The following FRMPD1 variants were observed in gnomAD, a reference collection of about 807,000 sequenced individuals.
FRMPD1 encodes the protein FERM and PDZ domain-containing protein 1.
In FRMPD1, 76 loss-of-function variants were observed where a neutral mutation model predicts 117.8. The ratio of observed to expected loss-of-function variants is 0.65; its 90% CI spans 0.54 to 0.78. FRMPD1 has a LOEUF of 0.78. Among genes scored for constraint, FRMPD1 ranks in the 30% least tolerant of loss-of-function variants. The pLI, the probability that FRMPD1 is intolerant of heterozygous loss-of-function variation, is 0.00. For synonymous variants in FRMPD1, 783 were observed against 770.4 expected, an observed-to-expected ratio of 1.02 and a Z score of -0.27; for missense variants, 1,786 against 1,964.5, an observed-to-expected ratio of 0.91 and a Z score of 1.72.
At chr9:37,698,710 C>T (rs1053466942) in intron 2 of FRMPD1, among the ~76,000 whole-genome samples, 3 of 150,638 alleles carry the variant, frequency 2.0e-5, no homozygotes, top group South Asian at 2.1e-4. Context: ...TACAGATATG[C>T]GCCACCACAC....
In FRMPD1 at chr9:37,746,503, C is replaced by G; in HGVS notation, c.4471C>G (p.Arg1491Gly). 2 of 1,613,612 alleles carry G rather than the reference C, an allele frequency of 1.2e-6. No individual in the cohort carries two copies. Among genetic ancestry groups the G allele is most frequent in the South Asian group, 1.1e-5 (1 of 91,088 alleles). ...QSPEEMQGAV[R>G]DTFQHLVQLA... ...CCCCGAAGAGATGCAGGGGGCCGTG[C>G]GTGACACCTTCCAGCACCTGGTCCA... is the stretch of plus-strand genomic sequence containing the variant. The change falls in exon 16 of 16, where the codon CGT (arginine) becomes GGT (glycine). Residue 1491 changes from arginine to glycine, a missense_variant. Physicochemically the swap from Arg to Gly is moderately radical, Grantham distance 125. Coordinates refer to ENST00000377765, the MANE Select transcript of FRMPD1 (RefSeq NM_014907.3).
intron 5 of FRMPD1, chr9:37,715,772 T>G: frequency 2.2e-6 from 1 of 452,032 alleles, no homozygotes; most frequent in East Asian, 7.0e-5. Flanking sequence ...GGAGCCACAG[T>G]GGGGCCTGTG....
At chr9:37,707,389 C>CT in intron 2 of FRMPD1, 27 bp from the exon 3 acceptor site, 1 of 1,607,816 alleles carries the variant, frequency 6.2e-7, no homozygotes, top group Non-Finnish European at 8.5e-7. Flanking sequence ...TTCTCTTTCT[C>CT]TTTTTTACAT....
chr9:37,645,101 A>G, the FRMPD1 span, among the ~76,000 whole-genome samples: 37 of 72,682 alleles, frequency 5.1e-4, no homozygotes, highest in East Asian at 1.4e-3. Context: ...GAGCCAGCAG[A>G]AAAAAAAAAA....
intron 1 of FRMPD1, among the ~76,000 whole-genome samples, chr9:37,691,581 C>T (rs935674146): frequency 1.3e-5 from 2 of 152,186 alleles, no homozygotes; most frequent in African/African-American, 4.8e-5. Flanking sequence ...TTTTATACAT[C>T]TAAAAGTGTT....
intron 1 of FRMPD1, among the ~76,000 whole-genome samples, chr9:37,665,441 C>A (rs1187215508): frequency 1.3e-5 from 2 of 152,142 alleles, no homozygotes; most frequent in Non-Finnish European, 2.9e-5. Context: ...CTTGCAAATT[C>A]CAGACAGGTG....
At chr9:37,683,844 G>A (rs7035947) in intron 1 of FRMPD1, among the ~76,000 whole-genome samples, 6,862 of 61,856 alleles carry the variant, frequency 0.11, 278 homozygotes, top group East Asian at 0.33. Context: ...GTGTTGTGTG[G>A]GGGAGATGAA....
At chr9:37,626,556 G>A in the FRMPD1 span, among the ~76,000 whole-genome samples, 1 of 142,174 alleles carries the variant, frequency 7.0e-6, no homozygotes, top group East Asian at 2.0e-4. Flanking sequence ...GGAGGCCAAG[G>A]CAGGCAGATC....
At chr9:37,688,158 C>T (rs945321960) in intron 1 of FRMPD1, among the ~76,000 whole-genome samples, 3 of 151,036 alleles carry the variant, frequency 2.0e-5, no homozygotes, top group South Asian at 4.2e-4. Context: ...CCTATATATA[C>T]AAGAAATATA....
chr9:37,623,834 T>C, the FRMPD1 span, among the ~76,000 whole-genome samples: 1 of 152,122 alleles, frequency 6.6e-6, no homozygotes, highest in Non-Finnish European at 1.5e-5. Flanking sequence ...GGTAGGATTA[T>C]GACAGATAAG....
At chr9:37,654,961 T>C (rs1262140770) in intron 1 of FRMPD1, among the ~76,000 whole-genome samples, 1 of 152,066 alleles carries the variant, frequency 6.6e-6, no homozygotes, top group Admixed American at 6.5e-5. Context: ...AGTAGACCCT[T>C]CTTTAGGATC....
intron 1 of FRMPD1, among the ~76,000 whole-genome samples, chr9:37,685,450 T>C (rs753915583): frequency 8.6e-5 from 13 of 151,672 alleles, no homozygotes; most frequent in South Asian, 2.1e-4. Flanking sequence ...GAGACTATCC[T>C]GGCTAACACG....
Position 37,708,413 on chromosome 9 carries a change from G to T in FRMPD1, c.274G>T (p.Gly92Cys). The T allele has an allele frequency of 1.2e-6, 2 of 1,610,624 alleles. No homozygotes were observed. Among genetic ancestry groups the T allele is most frequent in the Admixed American group, 1.7e-5 (1 of 60,002 alleles). The part of the protein sequence containing the change: ...VAVTAGGSAH[G>C]KLFPGDQILQ... ...CTGTCCAACAGGAGGCTCTGCTCAC[G>T]GCAAGCTTTTCCCTGGTGATCAGAT... The change falls in exon 4 of 16, where the codon GGC becomes TGC. Residue 92 changes from glycine (G) to cysteine (C), a missense_variant. Coordinates refer to ENST00000377765, the MANE Select transcript of FRMPD1 (RefSeq NM_014907.3).
At chr9:37,671,738 G>A (rs1037810960) in intron 1 of FRMPD1, among the ~76,000 whole-genome samples, 16 of 152,112 alleles carry the variant, frequency 1.1e-4, no homozygotes, top group African/African-American at 3.9e-4. Flanking sequence ...GGCCGAGGCG[G>A]GTGGAACACC....
At chr9:37,638,758 G>A in the FRMPD1 span, among the ~76,000 whole-genome samples, 4 of 152,142 alleles carry the variant, frequency 2.6e-5, no homozygotes, top group African/African-American at 7.2e-5. Context: ...GTGCTCCCAG[G>A]GAAGAGCCAT....
intron 1 of FRMPD1, among the ~76,000 whole-genome samples, chr9:37,656,099 A>G (rs1419598745): frequency 6.6e-6 from 1 of 152,140 alleles, no homozygotes; most frequent in South Asian, 2.1e-4. Flanking sequence ...GGCCGGCACA[A>G]TGTCCTTCAT....
chr9:37,611,688 CT>C, the FRMPD1 span, among the ~76,000 whole-genome samples: 24,712 of 152,092 alleles, frequency 0.16, 2,390 homozygotes, highest in African/African-American at 0.27. Flanking sequence ...GTAATACACC[CT>C]TTATTTCAAA....
intron 5 of FRMPD1, among the ~76,000 whole-genome samples, chr9:37,717,397 T>TA (rs1823192222): frequency 7.6e-6 from 1 of 131,492 alleles, no homozygotes; most frequent in African/African-American, 3.1e-5. Flanking sequence ...TTTTTTTTTT[T>TA]GAGATGTAGT....
the FRMPD1 span, among the ~76,000 whole-genome samples, chr9:37,636,025 C>T: frequency 6.6e-6 from 1 of 152,290 alleles, no homozygotes; most frequent in East Asian, 1.9e-4. Context: ...GGGCAGAGGG[C>T]GGCAGGAGCA....
Sources: gnomAD v4.1 joint callset for allele counts (sites outside exome capture counted in the v4.1 genomes callset) on GRCh38, gnomAD v4.1.1 for gene constraint, MANE v1.5 for transcripts, NCBI Gene and HGNC (gene_info 2026-07-23, HGNC 2026-07-21) for gene names.